BARHL1: variants seen among roughly 807,000 people sequenced by gnomAD.
BARHL1 encodes the protein barH-like 1 homeobox protein.
In BARHL1, 2 loss-of-function variants were observed where a neutral mutation model predicts 20.1. The ratio of observed to expected loss-of-function variants is 0.10; its 90% CI spans 0.04 to 0.31. The LOEUF is 0.31. Among genes scored for constraint, BARHL1 ranks in the 10% least tolerant of loss-of-function variants. The pLI is 1.00. For missense variants in BARHL1, 397 were observed against 454.0 expected, an observed-to-expected ratio of 0.87 and a Z score of 1.14; for synonymous variants, 213 against 209.9, an observed-to-expected ratio of 1.01 and a Z score of -0.13.
Position 132,583,103 on chromosome 9 carries a change from T to G in BARHL1, c.306T>G (p.Leu102=). 1 of 1,613,868 alleles carries G rather than the reference T, an allele frequency of 6.2e-7. No homozygotes were observed. Among genetic ancestry groups the G allele is most frequent in the East Asian group, 2.2e-5 (1 of 44,870 alleles). ...CCTCCTTTCTGATCAGGGACATCCTTGCCGACTGCAAACCACTCGCGGCCT... is the reference window on the plus strand; with the variant it reads ...CCTCCTTTCTGATCAGGGACATCCTGGCCGACTGCAAACCACTCGCGGCCT... The part of the protein sequence containing the change: ...VTSSFLIRDI[L]ADCKPLAACA... Residue 102 remains leucine, a synonymous_variant, in exon 1 of 3, where the codon CTT becomes CTG. Coordinates refer to ENST00000263610, the MANE Select transcript of BARHL1 (RefSeq NM_020064.4).
At chr9:132,588,732 C>T (rs1830174375) in intron 2 of BARHL1, among the ~76,000 whole-genome samples, 1 of 152,202 alleles carries the variant, frequency 6.6e-6, no homozygotes, top group African/African-American at 2.4e-5. Context: ...GGCCTGCTCG[C>T]TTCTGCTAGC....
chr9:132,585,231 G>T (rs1377040068), intron 1 of BARHL1, among the ~76,000 whole-genome samples: 2 of 152,144 alleles, frequency 1.3e-5, no homozygotes, highest in Non-Finnish European at 2.9e-5. Flanking sequence ...TGCTGCCTTT[G>T]CCCCTAGTGA....
chr9:132,589,454 G>T lies in BARHL1; in HGVS notation c.916G>T (p.Ala306Ser), dbSNP rs1053286683. 2 of 1,525,130 alleles carry T rather than the reference G, an allele frequency of 1.3e-6. No homozygotes were observed. The highest frequency in any genetic ancestry group is 1.4e-5 in the African/African-American group (1 of 69,736). The allele number at this position is 1,525,130 out of a possible 1,614,324, so 94.5% of individuals were successfully genotyped here. A position where few individuals can be genotyped will look rare whatever the true frequency, so the allele number is the denominator to read the frequency against. Residue 306 changes from alanine to serine, a missense_variant, in exon 3 of 3, where the codon GCC (alanine) becomes TCC (serine). Coordinates refer to ENST00000263610, the MANE Select transcript of BARHL1 (RefSeq NM_020064.4). ...CATCCTCATCCACGGACTCCAGGGC[G>T]CCAGCGAGCCGCCCCCGCCGCTGCC... is the stretch of plus-strand genomic sequence containing the variant. ...PRILIHGLQG[A>S]SEPPPPLPPL...
At position 132,587,847 on chromosome 9, in the gene BARHL1, G is replaced by C. The variant is rs546941623; in HGVS notation, c.689+296G>C. Among the ~76,000 whole-genome samples the C allele has an allele frequency of 6.6e-6, 1 of 152,144 alleles. No individual in the cohort carries two copies. Among genetic ancestry groups the C allele is most frequent in the Admixed American group, 6.5e-5 (1 of 15,286 alleles). The stretch of plus-strand genomic sequence containing the variant: ...AGTCCTGCCCCAGCTCAGCCGGAGT[G>C]GGGGGAGGTCTGCCTGGAGCCCCCA... On this transcript the variant is annotated intron_variant, in intron 2 of 2. Coordinates refer to ENST00000263610, the MANE Select transcript of BARHL1 (RefSeq NM_020064.4). This position sits in a 1 kb window ranked among gnomAD's most constrained non-coding sequence, Gnocchi z 5.5.
Position 132,583,043 on chromosome 9 carries a change from G to T in BARHL1, c.246G>T (p.Gln82His). 1.2e-6 allele frequency: 2 copies of T among 1,613,850 alleles called. No individual in the cohort carries two copies. Among genetic ancestry groups the T allele is most frequent in the Non-Finnish European group, 1.7e-6 (2 of 1,179,952 alleles). Residue 82 changes from glutamine (Q) to histidine (H), a missense_variant, in exon 1 of 3, where the codon CAG becomes CAT. Coordinates refer to ENST00000263610, the MANE Select transcript of BARHL1 (RefSeq NM_020064.4). ...PGLDSHLQPGQLSAPAQSRTV... is the reference protein window; with the variant it reads ...PGLDSHLQPGHLSAPAQSRTV... ...TGGACTCCCACCTGCAGCCCGGGCA[G>T]CTCTCAGCCCCGGCCCAGTCGCGCA...
rs947558182 is a variant in BARHL1, at chr9:132,587,792, T to G, written c.689+241T>G. On this transcript the variant is annotated intron_variant, in intron 2 of 2. Transcript: ENST00000263610. This position sits in a 1 kb window ranked among gnomAD's most constrained non-coding sequence, Gnocchi z 5.5. ...TCCAGTCAGCCCTCCCCCGGATGGG[T>G]GGACAGACACATAGGCCACTGAAAA... Among the ~76,000 whole-genome samples the G allele has an allele frequency of 5.9e-5, 9 of 151,994 alleles. No homozygotes were observed. Among genetic ancestry groups the G allele is most frequent in the African/African-American group, 2.2e-4 (9 of 41,388 alleles).
rs570618296 is a variant in BARHL1 at position 132,585,329 on chromosome 9, C to G, written c.467-2000C>G. 3.1e-4 allele frequency among the ~76,000 whole-genome samples: 47 copies of G among 152,286 alleles called. No homozygotes were observed. The South Asian group carries it at 9.8e-3, about 32-fold the overall frequency. On this transcript the variant is annotated intron_variant, in intron 1 of 2. Transcript: ENST00000263610. The stretch of plus-strand genomic sequence containing the variant: ...CTTTTCAGAGCTGAGAAACAGACAC[C>G]CTGAGCCAGTCCGTGGAGCATTTAA...
At chr9:132,585,749 C>G (rs1389933454) in intron 1 of BARHL1, among the ~76,000 whole-genome samples, 14 of 152,202 alleles carry the variant, frequency 9.2e-5, no homozygotes, top group Non-Finnish European at 1.5e-5. Context: ...GGAGGGGGAA[C>G]AGAAGAAAAG....
At position 132,582,901 on chromosome 9, in the gene BARHL1, C is replaced by T; in HGVS notation, c.104C>T (p.Pro35Leu). The change falls in exon 1 of 3, where the codon CCC becomes CTC. Residue 35 changes from proline to leucine, a missense_variant. Physicochemically the swap from Pro to Leu is moderately conservative, Grantham distance 98. Around this residue, in one of 3 missense-constraint regions of BARHL1, gnomAD observed 272 missense variants for 298.7 expected, o/e 0.91. Coordinates refer to ENST00000263610, the MANE Select transcript of BARHL1 (RefSeq NM_020064.4). ...GDPLLGDCRSPLELSPRSESS... is the reference protein window; with the variant it reads ...GDPLLGDCRSLLELSPRSESS... ...CCCTTGCTCGGGGACTGCCGTTCGC[C>T]CCTGGAGCTGAGTCCACGCTCAGAG... 1 of 1,613,486 alleles carries T rather than the reference C, an allele frequency of 6.2e-7. No individual in the cohort carries two copies. The highest frequency in any genetic ancestry group is 1.1e-5 in the South Asian group (1 of 91,068).
Position 132,587,461 on chromosome 9 carries a change from A to G in BARHL1, c.599A>G (p.Gln200Arg), listed in dbSNP as rs1334654406. Residue 200 changes from glutamine (Q) to arginine (R), a missense_variant, in exon 2 of 3, where the codon CAG becomes CGG. Physicochemically the swap from Gln to Arg is conservative, Grantham distance 43 (BLOSUM62 1). This residue lies in a region of BARHL1 where 272 missense variants were observed against 298.7 expected (regional missense o/e 0.91). Coordinates refer to ENST00000263610, the MANE Select transcript of BARHL1 (RefSeq NM_020064.4). The surrounding 1 kb of genome is among the most constrained non-coding windows in gnomAD (Gnocchi z 5.5). Reference protein sequence around the residue: ...LAQLERSFERQKYLSVQDRME... With the variant: ...LAQLERSFERRKYLSVQDRME... Reference sequence around the variant, plus strand: ...CAGCTGGAGCGCAGCTTCGAGCGGCAGAAGTACCTGAGCGTGCAGGACCGC... The same window carrying G: ...CAGCTGGAGCGCAGCTTCGAGCGGCGGAAGTACCTGAGCGTGCAGGACCGC... 3 of 1,612,636 alleles carry G rather than the reference A, an allele frequency of 1.9e-6. No homozygotes were observed. Among genetic ancestry groups the G allele is most frequent in the Non-Finnish European group, 2.5e-6 (3 of 1,179,682 alleles).
chr9:132,589,453 C>A lies in BARHL1; in HGVS notation c.915C>A (p.Gly305=), dbSNP rs760640926. 6.5e-7 allele frequency: 1 copy of A among 1,536,744 alleles called. No homozygotes were observed. Residue 305 remains glycine (G), a synonymous_variant, in exon 3 of 3, where the codon GGC becomes GGA. Transcript: ENST00000263610. ...GCATCCTCATCCACGGACTCCAGGGCGCCAGCGAGCCGCCCCCGCCGCTGC... is the reference window on the plus strand; with the variant it reads ...GCATCCTCATCCACGGACTCCAGGGAGCCAGCGAGCCGCCCCCGCCGCTGC... ...VPRILIHGLQ[G]ASEPPPPLPP... is the part of the protein sequence containing the mutation.
chr9:132,586,084 G>A (rs552480045), intron 1 of BARHL1, among the ~76,000 whole-genome samples: 5 of 152,254 alleles, frequency 3.3e-5, no homozygotes, highest in Non-Finnish European at 5.9e-5. Flanking sequence ...GCGGGCTGCC[G>A]TTTCTCCTCT....
In BARHL1 at chr9:132,587,949, A is replaced by G. The variant is rs1830161012; in HGVS notation, c.689+398A>G. Among the ~76,000 whole-genome samples, 1 of 152,176 alleles carries G rather than the reference A, an allele frequency of 6.6e-6. No individual in the cohort carries two copies. Among genetic ancestry groups the G allele is most frequent in the Non-Finnish European group, 1.5e-5 (1 of 68,036 alleles). ...CTTGATGCCCAGGAAGCCTGTGAAG[A>G]GGACGGCCAGGCAGTGGCCCTTGGG... On this transcript the variant is annotated intron_variant, in intron 2 of 2. Coordinates refer to ENST00000263610, the MANE Select transcript of BARHL1 (RefSeq NM_020064.4). This position sits in a 1 kb window ranked among gnomAD's most constrained non-coding sequence, Gnocchi z 5.5.
At chr9:132,584,631 G>C (rs754549916) in intron 1 of BARHL1, among the ~76,000 whole-genome samples, 15 of 152,116 alleles carry the variant, frequency 9.9e-5, no homozygotes, top group Non-Finnish European at 2.2e-4. Flanking sequence ...TCATCGGTCC[G>C]ACTGCACATC....
Position 132,587,499 on chromosome 9 carries a change from G to C in BARHL1, c.637G>C (p.Ala213Pro). ...LSVQDRMELA[A>P]SLNLTDTQVK... ...CGTGCAGGACCGCATGGAGCTCGCC[G>C]CCTCGCTCAACCTCACCGACACGCA... is the stretch of plus-strand genomic sequence containing the variant. The change falls in exon 2 of 3, where the codon GCC becomes CCC. Residue 213 changes from alanine to proline, a missense_variant. Around this residue, in one of 3 missense-constraint regions of BARHL1, gnomAD observed 272 missense variants for 298.7 expected, o/e 0.91. Coordinates refer to ENST00000263610, the MANE Select transcript of BARHL1 (RefSeq NM_020064.4). The surrounding 1 kb of genome is among the most constrained non-coding windows in gnomAD (Gnocchi z 5.5). 1 of 1,612,618 alleles carries C rather than the reference G, an allele frequency of 6.2e-7. No homozygotes were observed. The highest frequency in any genetic ancestry group is 8.5e-7 in the Non-Finnish European group (1 of 1,179,572).
At position 132,583,554 on chromosome 9, in the gene BARHL1, C is replaced by A. The variant is rs138996354; in HGVS notation, c.466+291C>A. Among the ~76,000 whole-genome samples, 987 of 152,344 alleles carry A rather than the reference C, an allele frequency of 6.5e-3. 13 individuals carry two copies. Among genetic ancestry groups the A allele is most frequent in the African/African-American group, 0.023 (942 of 41,574 alleles). On this transcript the variant is annotated intron_variant, in intron 1 of 2. Coordinates refer to ENST00000263610, the MANE Select transcript of BARHL1 (RefSeq NM_020064.4). ...CTAAACTTCGACTGGGACCCCTGCCCTTCCAGCAGTGCTGGTGGACAGGAG... is the reference window on the plus strand; with the variant it reads ...CTAAACTTCGACTGGGACCCCTGCCATTCCAGCAGTGCTGGTGGACAGGAG...
At chr9:132,589,088 G>A (rs904294188) in intron 2 of BARHL1, 140 bp from the exon 3 acceptor site, 2 of 1,416,394 alleles carry the variant, frequency 1.4e-6, no homozygotes, top group African/African-American at 1.5e-5. Flanking sequence ...ATGGTGCCTG[G>A]CACTCGGTTA....
chr9:132,585,882 G>A (rs117669978), intron 1 of BARHL1, among the ~76,000 whole-genome samples: 1,869 of 152,376 alleles, frequency 0.012, 25 homozygotes, highest in South Asian at 0.03. Context: ...TGGTCAAAAA[G>A]TAAGAGTTCT....
In BARHL1 at chr9:132,582,684, G is replaced by A. The variant is rs1013988049; in HGVS notation, c.-114G>A. The A allele has an allele frequency of 3.0e-5, 30 of 995,662 alleles. No homozygotes were observed. The Middle Eastern group carries it at 1.0e-3, about 33-fold the overall frequency. 61.7% of individuals were successfully genotyped at this position (995,662 alleles called of 1,614,324 possible). ...AGGCTGAACTCCGTCCAAGGTGCCC[G>A]CAGGCTCCCTGCCCGCCTTCCCCAT... On this transcript the variant is annotated 5_prime_UTR_variant, in exon 1 of 3. Transcript: ENST00000263610.
Sources: gnomAD v4.1 joint callset for allele counts (sites outside exome capture counted in the v4.1 genomes callset) on GRCh38, gnomAD v4.1.1 for gene constraint, gnomAD v4.1.1 regional missense constraint, Gnocchi (gnomAD v3.1) non-coding constraint, MANE v1.5 for transcripts, NCBI Gene and HGNC (gene_info 2026-07-23, HGNC 2026-07-21) for gene names.